BMP2K: variants seen among roughly 807,000 people sequenced by gnomAD.
The protein encoded by BMP2K is BMP2 inducible kinase.
A neutral mutation model predicts 116.0 loss-of-function variants in BMP2K; 74 were observed. The ratio of observed to expected loss-of-function variants is 0.64; its 90% CI spans 0.53 to 0.77. The LOEUF (loss-of-function observed/expected upper bound fraction) is 0.77. Ranked by LOEUF, BMP2K falls within the 30% of genes least tolerant of loss-of-function variation. The pLI is 0.00. For missense variants in BMP2K, 1,365 were observed against 1,403.6 expected (o/e 0.97, Z 0.44); for synonymous variants, 486 against 502.5 (o/e 0.97, Z 0.44).
At position 78,842,496 on chromosome 4, in the gene BMP2K, G is replaced by T. The variant is rs771668270; in HGVS notation, c.515G>T (p.Cys172Phe). ...TCEAVARLHQ[C>F]KTPIIHRDLK... Reference sequence around the variant, plus strand: ...GAAGCTGTTGCAAGGTTGCATCAGTGTAAGACTCCAATAATTCACCGGGAT... The same window carrying T: ...GAAGCTGTTGCAAGGTTGCATCAGTTTAAGACTCCAATAATTCACCGGGAT... The change falls in exon 4 of 16, where the codon TGT becomes TTT. Residue 172 changes from cysteine to phenylalanine, a missense_variant. Cys to Phe is a radical substitution (Grantham distance 205, BLOSUM62 -2). Transcript: ENST00000502613. The T allele has an allele frequency of 7.5e-6, 12 of 1,594,342 alleles. No individual in the cohort carries two copies. The highest frequency in any genetic ancestry group is 1.7e-4 in the Middle Eastern group (1 of 5,970).
rs1176417538 is a variant in BMP2K at position 78,859,585 on chromosome 4, G to T, written c.885G>T (p.Arg295Ser). The change falls in exon 8 of 16, where the codon AGG becomes AGT. Residue 295 changes from arginine (R) to serine (S), a missense_variant and splice_region_variant. Physicochemically the swap from Arg to Ser is moderately radical, Grantham distance 110 (BLOSUM62 -1). This residue lies in a region of BMP2K where 762 missense variants were observed against 756.7 expected (regional missense o/e 1.01). Coordinates refer to ENST00000502613, the MANE Select transcript of BMP2K (RefSeq NM_198892.2). ...TAACATTTTGATCTATTCTTGCAGG[G>T]TTCATGCTTGAACCAGATCCGGAAC... The part of the protein sequence containing the change: ...RYSRNIHCLI[R>S]FMLEPDPEHR... The T allele has an allele frequency of 6.2e-7, 1 of 1,604,024 alleles. No homozygotes were observed. Among genetic ancestry groups the T allele is most frequent in the Middle Eastern group, 1.7e-4 (1 of 6,034 alleles).
chr4:78,788,690 T>C (rs1205879729), intron 1 of BMP2K, among the ~76,000 whole-genome samples: 2 of 147,006 alleles, frequency 1.4e-5, no homozygotes, highest in African/African-American at 2.7e-5. Context: ...TATTGCAAAC[T>C]CATGAGTTTT....
rs190000720 is a variant in BMP2K, at chr4:78,889,037, C to T, written c.2062+1753C>T. Among the ~76,000 whole-genome samples the T allele has an allele frequency of 4.4e-3, 674 of 152,032 alleles. 12 individuals carry two copies. The highest frequency in any genetic ancestry group is 0.04 in the Admixed American group (610 of 15,280). On this transcript the variant is annotated intron_variant, in intron 15 of 15. Coordinates refer to ENST00000502613, the MANE Select transcript of BMP2K (RefSeq NM_198892.2). ...GAGATCAAGACCATCCTGGCTAACACGGTGAAACCCCATCTCTACTAAAAA... is the reference window on the plus strand; with the variant it reads ...GAGATCAAGACCATCCTGGCTAACATGGTGAAACCCCATCTCTACTAAAAA...
chr4:78,882,774 A>G (rs1275582662), intron 14 of BMP2K, among the ~76,000 whole-genome samples: 1 of 152,032 alleles, frequency 6.6e-6, no homozygotes, highest in Non-Finnish European at 1.5e-5. Context: ...ACTAAAGATT[A>G]TGATTGCTTT....
intron 1 of BMP2K, among the ~76,000 whole-genome samples, chr4:78,781,009 A>C (rs1727479081): frequency 6.6e-6 from 1 of 152,188 alleles, no homozygotes; most frequent in Non-Finnish European, 1.5e-5. Context: ...TGTCATGAAG[A>C]CTGAAGTCTC....
intron 1 of BMP2K, among the ~76,000 whole-genome samples, chr4:78,802,995 G>T (rs778571071): frequency 1.3e-5 from 2 of 151,906 alleles, no homozygotes; most frequent in Non-Finnish European, 2.9e-5. Context: ...GATTACAGGC[G>T]CCTGCCACCA....
At chr4:78,798,156 T>C (rs1300520244) in intron 1 of BMP2K, among the ~76,000 whole-genome samples, 1 of 152,176 alleles carries the variant, frequency 6.6e-6, no homozygotes, top group African/African-American at 2.4e-5. Context: ...GGCCTAAGAA[T>C]CAAAAAGACA....
intron 1 of BMP2K, among the ~76,000 whole-genome samples, chr4:78,798,027 GAC>G (rs796124803): frequency 6.6e-6 from 1 of 152,188 alleles, no homozygotes; most frequent in African/African-American, 2.4e-5. Flanking sequence ...TCGTTGCCCA[GAC>G]ACGCTTCAAA....
Position 78,900,954 on chromosome 4 carries a change from A to G in BMP2K, c.2063-9656A>G, listed in dbSNP as rs112603134. Among the ~76,000 whole-genome samples, 1,121 of 152,222 alleles carry G rather than the reference A, an allele frequency of 7.4e-3. 5 individuals are homozygous for G. The highest frequency in any genetic ancestry group is 0.018 in the African/African-American group (730 of 41,510). On this transcript the variant is annotated intron_variant, in intron 15 of 15. Transcript: ENST00000502613. Reference sequence around the variant, plus strand: ...ACTGATGTTAGTAGTGTGGTTTATCAAAAGACCATTGACTTTGGAATTATA... The same window carrying G: ...ACTGATGTTAGTAGTGTGGTTTATCGAAAGACCATTGACTTTGGAATTATA...
intron 11 of BMP2K, 63 bp downstream of exon 11, chr4:78,871,123 A>G: frequency 6.4e-7 from 1 of 1,572,534 alleles, no homozygotes; most frequent in Non-Finnish European, 8.6e-7. Context: ...ATTGAATATC[A>G]GTGAATTCCT....
At chr4:78,873,656 CTCTGTGTGTGTGTGTGTG>C (rs1347083753) in intron 13 of BMP2K, among the ~76,000 whole-genome samples, 80 of 138,192 alleles carry the variant, frequency 5.8e-4, no homozygotes, top group East Asian at 2.9e-3. Flanking sequence ...GCCTCCCAAC[CTCTGTGTGTGTGTGTGTG>C]TGTGTGTGTG....
chr4:78,780,102 C>T (rs1007253233), intron 1 of BMP2K, among the ~76,000 whole-genome samples: 1 of 152,180 alleles, frequency 6.6e-6, no homozygotes, highest in Admixed American at 6.5e-5. Context: ...TGACCACATG[C>T]ATCACCATAA....
At chr4:78,828,796 A>T (rs1730007576) in intron 2 of BMP2K, among the ~76,000 whole-genome samples, 1 of 152,240 alleles carries the variant, frequency 6.6e-6, no homozygotes, top group African/African-American at 2.4e-5. Flanking sequence ...AAAACAACTG[A>T]TGATCACCAG....
intron 3 of BMP2K, among the ~76,000 whole-genome samples, chr4:78,836,900 A>G (rs76445117): frequency 2.7e-3 from 415 of 152,270 alleles, no homozygotes; most frequent in South Asian, 8.3e-3. Context: ...GGACACTTTT[A>G]GTTTGAATCT....
chr4:78,845,296 ATTAGTGAAATTG>A (rs977704900), intron 5 of BMP2K, among the ~76,000 whole-genome samples: 1 of 151,634 alleles, frequency 6.6e-6, no homozygotes, highest in Non-Finnish European at 1.5e-5. Flanking sequence ...AGCTGTAGTA[ATTAGTGAAATTG>A]TTAAAGGGAG....
Position 78,844,938 on chromosome 4 carries a change from T to C in BMP2K, c.557T>C (p.Ile186Thr), listed in dbSNP as rs772740402. ...IIHRDLKVEN[I>T]LLNDGGNYVL... The stretch of plus-strand genomic sequence containing the variant: ...TTTTCTTTTCTTAAGGTAGAAAATA[T>C]TTTGTTGAATGATGGTGGGAACTAT... The change falls in exon 5 of 16, where the codon ATT (isoleucine) becomes ACT (threonine). Residue 186 changes from isoleucine to threonine, a missense_variant. By Grantham distance (89) the Ile-to-Thr change is moderately conservative. Around this residue, in one of 3 missense-constraint regions of BMP2K, gnomAD observed 762 missense variants for 756.7 expected, o/e 1.01. Coordinates refer to ENST00000502613, the MANE Select transcript of BMP2K (RefSeq NM_198892.2). The C allele has an allele frequency of 1.9e-6, 3 of 1,595,410 alleles. No homozygotes were observed. Among genetic ancestry groups the C allele is most frequent in the African/African-American group, 1.3e-5 (1 of 74,260 alleles).
At chr4:78,829,023 C>CTA (rs1730020460) in intron 2 of BMP2K, among the ~76,000 whole-genome samples, 1 of 152,148 alleles carries the variant, frequency 6.6e-6, no homozygotes, top group Non-Finnish European at 1.5e-5. Context: ...TAAATAACTC[C>CTA]CACATGCTTA....
chr4:78,779,752 GTATGT>G (rs1258680335), intron 1 of BMP2K, among the ~76,000 whole-genome samples: 1 of 152,176 alleles, frequency 6.6e-6, no homozygotes, highest in African/African-American at 2.4e-5. Flanking sequence ...GGGGTAGGTT[GTATGT>G]TATAACTAAA....
chr4:78,912,070 CAAA>C lies in BMP2K; in HGVS notation c.*41_*43del. On this transcript the variant is annotated 3_prime_UTR_variant, in exon 16 of 16. Coordinates refer to ENST00000502613, the MANE Select transcript of BMP2K (RefSeq NM_198892.2). ...GGATTCTCGGCATTAACTCCTGTTTCAAAAAAGTGTGAACAGTTTTATGAATTT... is the reference window on the plus strand; with the variant it reads ...GGATTCTCGGCATTAACTCCTGTTTCAAAGTGTGAACAGTTTTATGAATTT... 6.6e-7 allele frequency: 1 copy of C among 1,521,144 alleles called. No individual in the cohort carries two copies. Among genetic ancestry groups the C allele is most frequent in the Non-Finnish European group, 8.9e-7 (1 of 1,126,750 alleles). 94.2% of individuals were successfully genotyped at this position (1,521,144 alleles called of 1,614,324 possible).
Sources: allele counts gnomAD v4.1 joint callset (sites outside exome capture counted in the v4.1 genomes callset), GRCh38; gene constraint gnomAD v4.1.1; regional missense constraint gnomAD v4.1.1; transcripts MANE v1.5; gene names NCBI Gene and HGNC (gene_info 2026-07-23, HGNC 2026-07-21).